The following KLRG1 variants were observed in gnomAD, a reference collection of about 807,000 sequenced individuals.
KLRG1 encodes the protein killer cell lectin like receptor G1, also known as killer cell lectin-like receptor subfamily G member 1.
A neutral mutation model predicts 21.8 loss-of-function variants in KLRG1; 16 were observed. The ratio of observed to expected loss-of-function variants is 0.73; its 90% CI spans 0.50 to 1.11. KLRG1 has a LOEUF of 1.11. KLRG1 is among the 50% of genes most tolerant of loss of function. KLRG1 has a pLI of 0.00. For missense variants in KLRG1, 173 were observed against 218.3 expected (o/e 0.79, Z 1.31); for synonymous variants, 69 against 75.9 (o/e 0.91, Z 0.47).
At chr12:8,994,708 A>G (rs777253646) in intron 2 of KLRG1, among the ~76,000 whole-genome samples, 10 of 152,230 alleles carry the variant, frequency 6.6e-5, no homozygotes, top group African/African-American at 1.4e-4. Flanking sequence ...ACATTATGCA[A>G]TTATGCAATA....
rs746892867 is a variant in KLRG1 at position 8,995,183 on chromosome 12, C to A, written c.252C>A (p.Asn84Lys). The A allele has an allele frequency of 5.0e-6, 8 of 1,613,690 alleles. 1 individual carries two copies. The highest frequency in any genetic ancestry group is 2.2e-5 in the South Asian group (2 of 91,002). Residue 84 changes from asparagine to lysine, a missense_variant, in exon 3 of 5, where the codon AAC (asparagine) becomes AAA (lysine). Around this residue, in one of 3 missense-constraint regions of KLRG1, gnomAD observed 144 missense variants for 161.5 expected, o/e 0.89. Transcript: ENST00000356986. ...SCPDRWMKYGNHCYYFSVEEK... is the reference protein window; with the variant it reads ...SCPDRWMKYGKHCYYFSVEEK... ...CAGACCGCTGGATGAAATATGGTAA[C>A]CATTGTTATTATTTCTCAGTGGAGG...
chr12:9,170,351 G>A, the KLRG1 span, among the ~76,000 whole-genome samples: 1 of 152,162 alleles, frequency 6.6e-6, no homozygotes, highest in Non-Finnish European at 1.5e-5. This position sits in a 1 kb window ranked among gnomAD's most constrained non-coding sequence, Gnocchi z 4.6. Flanking sequence ...GCTATGTGGA[G>A]TCTTGGCAGA....
At chr12:9,001,557 C>T (rs924296506) in intron 3 of KLRG1, among the ~76,000 whole-genome samples, 1 of 152,170 alleles carries the variant, frequency 6.6e-6, no homozygotes, top group Non-Finnish European at 1.5e-5. Context: ...ATTCCTTAAA[C>T]CCTCATAAAA....
At chr12:9,200,395 C>T in the KLRG1 span, 5 of 1,610,868 alleles carry the variant, frequency 3.1e-6, no homozygotes, top group Non-Finnish European at 4.2e-6. Flanking sequence ...ACTTTTTCAT[C>T]CATGATACTG....
chr12:9,028,603 C>G, the KLRG1 span: 2 of 361,158 alleles, frequency 5.5e-6, no homozygotes, highest in African/African-American at 2.1e-5. Flanking sequence ...ACCACCACGC[C>G]CTGCTAATTT....
the KLRG1 span, chr12:9,160,536 A>T: frequency 2.2e-5 from 34 of 1,562,572 alleles, no homozygotes; most frequent in Non-Finnish European, 2.9e-5. Flanking sequence ...TCAGTTCATA[A>T]ATAGCCAACA....
At chr12:9,082,092 G>A in the KLRG1 span, among the ~76,000 whole-genome samples, 2 of 152,324 alleles carry the variant, frequency 1.3e-5, no homozygotes, top group African/African-American at 4.8e-5. Flanking sequence ...TAGAAGTGTA[G>A]GGGTTAAATA....
the KLRG1 span, among the ~76,000 whole-genome samples, chr12:9,033,226 T>A: frequency 1.3e-5 from 2 of 152,092 alleles, no homozygotes; most frequent in African/African-American, 4.8e-5. Flanking sequence ...CGCTTGAGCT[T>A]AGGAGTTCAA....
the KLRG1 span, among the ~76,000 whole-genome samples, chr12:9,024,162 G>C: frequency 6.6e-6 from 1 of 150,738 alleles, no homozygotes; most frequent in African/African-American, 2.4e-5. Context: ...TGAGTAGCTG[G>C]GATCACAGGT....
rs764127248 is a variant in KLRG1, at chr12:8,989,668, G to A, written c.33G>A (p.Glu11=). 6.2e-7 allele frequency: 1 copy of A among 1,610,776 alleles called. No individual in the cohort carries two copies. Among genetic ancestry groups the A allele is most frequent in the Non-Finnish European group, 8.5e-7 (1 of 1,177,908 alleles). MTDSVIYSML[E]LPTATQAQND... Reference sequence around the variant, plus strand: ...ACAGTGTTATTTATTCCATGTTAGAGTTGCCTACGGCAACCCAAGCCCAGA... The same window carrying A: ...ACAGTGTTATTTATTCCATGTTAGAATTGCCTACGGCAACCCAAGCCCAGA... Residue 11 remains glutamate, a synonymous_variant, in exon 1 of 5, where the codon GAG becomes GAA. Coordinates refer to ENST00000356986, the MANE Select transcript of KLRG1 (RefSeq NM_005810.4).
chr12:9,055,410 G>A, the KLRG1 span, among the ~76,000 whole-genome samples: 1 of 152,120 alleles, frequency 6.6e-6, no homozygotes, highest in Non-Finnish European at 1.5e-5. Context: ...CCATTACATT[G>A]CTTTGCATAT....
intron 3 of KLRG1, among the ~76,000 whole-genome samples, chr12:8,999,596 A>C (rs1004168203): frequency 6.6e-5 from 10 of 152,218 alleles, no homozygotes; most frequent in Non-Finnish European, 1.3e-4. Flanking sequence ...ACTTTTCTGT[A>C]TATTTTTAAT....
the KLRG1 span, chr12:9,095,554 C>T: frequency 6.2e-7 from 1 of 1,612,082 alleles, no homozygotes; most frequent in Non-Finnish European, 8.5e-7. Context: ...GGAAGCTGTA[C>T]ATATCCTTTT....
chr12:9,108,086 T>C, the KLRG1 span, among the ~76,000 whole-genome samples: 1 of 151,638 alleles, frequency 6.6e-6, no homozygotes, highest in South Asian at 2.1e-4. Flanking sequence ...CATCTCTATA[T>C]CGAGTTTCAC....
the KLRG1 span, among the ~76,000 whole-genome samples, chr12:9,065,389 C>T: frequency 2.0e-5 from 3 of 152,226 alleles, no homozygotes; most frequent in East Asian, 1.9e-4. Flanking sequence ...GTGCCTACTC[C>T]GGCTGCCTGG....
the KLRG1 span, among the ~76,000 whole-genome samples, chr12:9,043,834 T>G: frequency 3.3e-5 from 5 of 152,258 alleles, no homozygotes; most frequent in African/African-American, 1.2e-4. Context: ...GCTCTTGTTC[T>G]TGGGAGCTCT....
chr12:9,050,413 A>T, the KLRG1 span, among the ~76,000 whole-genome samples: 14 of 152,204 alleles, frequency 9.2e-5, no homozygotes, highest in Non-Finnish European at 1.6e-4. Flanking sequence ...GCTTGCTATC[A>T]TGCCCCATGC....
chr12:9,161,226 G>A, the KLRG1 span: 8 of 895,746 alleles, frequency 8.9e-6, no homozygotes, highest in African/African-American at 3.4e-5. Context: ...ATATGGTACT[G>A]GCCCTGCTTT....
the KLRG1 span, among the ~76,000 whole-genome samples, chr12:9,155,029 G>A: frequency 2.0e-5 from 3 of 152,190 alleles, no homozygotes; most frequent in East Asian, 1.9e-4. Context: ...CCTGTGGTAC[G>A]AAGGTAGGGT....
Sources: gnomAD v4.1 joint callset for allele counts (sites outside exome capture counted in the v4.1 genomes callset) on GRCh38, gnomAD v4.1.1 for gene constraint, gnomAD v4.1.1 regional missense constraint, Gnocchi (gnomAD v3.1) non-coding constraint, MANE v1.5 for transcripts, NCBI Gene and HGNC (gene_info 2026-07-23, HGNC 2026-07-21) for gene names.